The following NCOA2 variants were observed in gnomAD, a reference collection of about 807,000 sequenced individuals.
NCOA2 encodes nuclear receptor coactivator 2, also known as class E basic helix-loop-helix protein 75.
A neutral mutation model predicts 145.1 loss-of-function variants in NCOA2; 21 were observed. The observed-to-expected ratio is 0.14, with a 90% CI of 0.10 to 0.21. The LOEUF is 0.21. Among genes scored for constraint, NCOA2 ranks in the 10% least tolerant of loss-of-function variants. The probability of loss-of-function intolerance (pLI) is 1.00; values close to 1 mark genes in which losing one functional copy is unlikely to be tolerated. For synonymous variants in NCOA2, 619 were observed against 637.5 expected (o/e 0.97, Z 0.44); for missense variants, 1,472 against 1,837.6 (o/e 0.80, Z 3.64).
intron 2 of NCOA2, among the ~76,000 whole-genome samples, chr8:70,268,176 C>G (rs1234402941): frequency 6.6e-6 from 1 of 152,120 alleles, no homozygotes; most frequent in Non-Finnish European, 1.5e-5. Context: ...TTTTTTAAAC[C>G]ACAATTTGGT....
chr8:70,352,380 T>C (rs893297305), intron 1 of NCOA2, among the ~76,000 whole-genome samples: 1 of 152,186 alleles, frequency 6.6e-6, no homozygotes, highest in African/African-American at 2.4e-5. Context: ...AATCAGGCTC[T>C]TCCATCATGC....
intron 10 of NCOA2, among the ~76,000 whole-genome samples, chr8:70,158,621 G>A (rs185768871): frequency 3.3e-4 from 51 of 152,244 alleles, no homozygotes; most frequent in African/African-American, 9.6e-4. Flanking sequence ...CAAGGCTGGC[G>A]CATGCCTGTA....
At chr8:70,235,370 C>T (rs538304992) in intron 2 of NCOA2, among the ~76,000 whole-genome samples, 1 of 152,034 alleles carries the variant, frequency 6.6e-6, no homozygotes, top group South Asian at 2.1e-4. Context: ...GATGGTTGCA[C>T]AATACTGTTC....
the NCOA2 span, among the ~76,000 whole-genome samples, chr8:70,427,397 C>G: frequency 6.6e-6 from 1 of 152,144 alleles, no homozygotes; most frequent in Non-Finnish European, 1.5e-5. Flanking sequence ...TGTGTTCACA[C>G]GAATGATCTA....
In NCOA2 at chr8:70,111,186, T is replaced by C. The variant is rs894617410; in HGVS notation, c.*2446A>G. On this transcript the variant is annotated 3_prime_UTR_variant, in exon 23 of 23. Transcript: ENST00000452400. ...GAATTATTATAAATTACCAGTATCA[T>C]GAAGTTGCGGATTTGTCTGAATTAG... is the stretch of plus-strand genomic sequence containing the variant. 1 of 222,934 alleles carries C rather than the reference T, an allele frequency of 4.5e-6. No individual in the cohort carries two copies. Among genetic ancestry groups the C allele is most frequent in the Non-Finnish European group, 9.0e-6 (1 of 111,670 alleles). 13.8% of individuals were successfully genotyped at this position (222,934 alleles called of 1,614,324 possible).
chr8:70,348,958 A>C (rs1028713191), intron 1 of NCOA2, among the ~76,000 whole-genome samples: 9 of 146,712 alleles, frequency 6.1e-5, no homozygotes, highest in Admixed American at 5.5e-4. Flanking sequence ...TTAAAAGGGC[A>C]TACTGGCATA....
At position 70,113,732 on chromosome 8, in the gene NCOA2, T is replaced by C. The variant is rs1005618819; in HGVS notation, c.4384-89A>G. 3.9e-6 allele frequency: 5 copies of C among 1,295,272 alleles called. No individual in the cohort carries two copies. In the African/African-American group the frequency reaches 7.4e-5, roughly 19 times the overall value. The allele number at this position is 1,295,272 out of a possible 1,614,324, so 80.2% of individuals were successfully genotyped here. A position where few individuals can be genotyped will look rare whatever the true frequency, so the allele number is the denominator to read the frequency against. On this transcript the variant is annotated intron_variant, in intron 22 of 22. Transcript: ENST00000452400. ...CCCACCACAAAAACATCAAAATTCC[T>C]GACTGTTTTCAATAAAGCAAATCAC...
intron 2 of NCOA2, among the ~76,000 whole-genome samples, chr8:70,286,405 C>G (rs1163259538): frequency 6.6e-6 from 1 of 152,226 alleles, no homozygotes; most frequent in South Asian, 2.1e-4. Flanking sequence ...ATATTTCCAT[C>G]TCTGTTTTAA....
chr8:70,250,266 C>T (rs1823031759), intron 2 of NCOA2, among the ~76,000 whole-genome samples: 2 of 151,730 alleles, frequency 1.3e-5, no homozygotes, highest in South Asian at 4.2e-4. Flanking sequence ...GTGGCACACA[C>T]TTGTAGCTCC....
intron 2 of NCOA2, among the ~76,000 whole-genome samples, chr8:70,265,870 G>A (rs1349962835): frequency 6.6e-6 from 1 of 152,148 alleles, no homozygotes; most frequent in Non-Finnish European, 1.5e-5. Context: ...AGTCGGCTGG[G>A]CGTGGTGGCT....
chr8:70,312,959 C>T (rs1300268969), intron 1 of NCOA2, among the ~76,000 whole-genome samples: 1 of 152,118 alleles, frequency 6.6e-6, no homozygotes, highest in Non-Finnish European at 1.5e-5. Context: ...GAAATGTATA[C>T]TTTAAATACA....
At chr8:70,113,989 G>C (rs976849845) in intron 22 of NCOA2, among the ~76,000 whole-genome samples, 20 of 152,170 alleles carry the variant, frequency 1.3e-4, no homozygotes, top group African/African-American at 4.6e-4. Context: ...AAAGATGACA[G>C]AACAATTCAC....
intron 4 of NCOA2, among the ~76,000 whole-genome samples, chr8:70,199,853 C>G (rs1020682026): frequency 6.6e-6 from 1 of 152,176 alleles, no homozygotes; most frequent in East Asian, 1.9e-4. Context: ...ATCTTTAATA[C>G]TCACGCTATC....
At chr8:70,392,063 T>C (rs540355276) in intron 1 of NCOA2, among the ~76,000 whole-genome samples, 2 of 152,366 alleles carry the variant, frequency 1.3e-5, no homozygotes, top group African/African-American at 4.8e-5. Flanking sequence ...GCAAAATTTA[T>C]ACAGGGATTC....
intron 2 of NCOA2, among the ~76,000 whole-genome samples, chr8:70,279,912 A>G (rs1438414145): frequency 3.3e-5 from 5 of 152,232 alleles, no homozygotes; most frequent in Non-Finnish European, 7.3e-5. Context: ...CCTTCCATCC[A>G]GACTTGCCCT....
chr8:70,292,088 A>G (rs1425179925), intron 2 of NCOA2, among the ~76,000 whole-genome samples: 1 of 151,648 alleles, frequency 6.6e-6, no homozygotes, highest in Admixed American at 6.6e-5. Flanking sequence ...AAAAAAAAAA[A>G]AGACTTTGAA....
intron 4 of NCOA2, among the ~76,000 whole-genome samples, chr8:70,187,359 C>A (rs1208717804): frequency 2.6e-5 from 4 of 152,052 alleles, no homozygotes; most frequent in Admixed American, 6.5e-5. Context: ...AATTTTGTAA[C>A]CTGAGGGGAA....
At chr8:70,168,424 T>C (rs1352938868) in intron 6 of NCOA2, among the ~76,000 whole-genome samples, 2 of 152,174 alleles carry the variant, frequency 1.3e-5, no homozygotes, top group African/African-American at 4.8e-5. Context: ...GCTCAAGGGA[T>C]TCTCATGCCT....
At chr8:70,285,678 G>C (rs1192176826) in intron 2 of NCOA2, among the ~76,000 whole-genome samples, 4 of 152,218 alleles carry the variant, frequency 2.6e-5, no homozygotes, top group Admixed American at 1.3e-4. Context: ...TACACCGTAA[G>C]ATGTGGGTAG....
Sources: gnomAD v4.1 joint callset for allele counts (sites outside exome capture counted in the v4.1 genomes callset) on GRCh38, gnomAD v4.1.1 for gene constraint, MANE v1.5 for transcripts, NCBI Gene and HGNC (gene_info 2026-07-23, HGNC 2026-07-21) for gene names.